Variants in SSH2 observed in about 807,000 individuals in gnomAD.
The protein encoded by SSH2 is protein phosphatase Slingshot homolog 2.
SSH2 carries 37 observed loss-of-function variants against 135.2 expected under a neutral mutation model. The ratio of observed to expected loss-of-function variants is 0.27; its 90% CI spans 0.21 to 0.36. The LOEUF is 0.36. Ranked by LOEUF, SSH2 falls within the 10% of genes least tolerant of loss-of-function variation. The pLI is 1.00. For missense variants in SSH2, 1,408 were observed against 1,765.3 expected (o/e 0.80, Z 3.63); for synonymous variants, 628 against 646.2 (o/e 0.97, Z 0.43).
intron 2 of SSH2, among the ~76,000 whole-genome samples, chr17:29,805,173 C>T (rs1282452954): frequency 2.0e-5 from 3 of 150,250 alleles, no homozygotes; most frequent in African/African-American, 4.9e-5. Flanking sequence ...TTATTATTTT[C>T]GAGATGGAGT....
At chr17:29,658,079 C>T (rs994349823) in intron 11 of SSH2, among the ~76,000 whole-genome samples, 1 of 151,278 alleles carries the variant, frequency 6.6e-6, no homozygotes, top group African/African-American at 2.4e-5. Context: ...TCTCGGCTCA[C>T]CGCAACCTCT....
rs770031333 is a variant in SSH2 at position 29,632,245 on chromosome 17, A to T, written c.2949T>A (p.Ala983=). ...AGTGGTCAAACTCCAGCACCCTGGGAGCTGGAACAGTGGCATTCTGCTCAG... is the reference window on the plus strand; with the variant it reads ...AGTGGTCAAACTCCAGCACCCTGGGTGCTGGAACAGTGGCATTCTGCTCAG... The part of the protein sequence containing the change: ...SHSEQNATVP[A]PRVLEFDHLP... The change falls in exon 16 of 16, where the codon GCT becomes GCA. Residue 983 remains alanine, a synonymous_variant. Coordinates refer to ENST00000540801, the MANE Select transcript of SSH2 (RefSeq NM_001282129.2). The T allele has an allele frequency of 2.1e-5, 34 of 1,613,756 alleles. No individual in the cohort carries two copies. The highest frequency in any genetic ancestry group is 2.9e-5 in the Non-Finnish European group (34 of 1,179,924).
chr17:29,706,773 A>G (rs2039217069), intron 3 of SSH2, among the ~76,000 whole-genome samples: 1 of 152,238 alleles, frequency 6.6e-6, no homozygotes, highest in South Asian at 2.1e-4. Context: ...AGAAGTGTGT[A>G]TATTTGTTGA....
rs1314001904 is a variant in SSH2, at chr17:29,771,971, A to G, written c.188+21923T>C. ...CAAATATGTTCAAGAATTTACCACA[A>G]CATTGGAAGTTGTTTTTTCTCTCTG... On this transcript the variant is annotated intron_variant, in intron 3 of 15. Coordinates refer to ENST00000540801, the MANE Select transcript of SSH2 (RefSeq NM_001282129.2). 2.6e-5 allele frequency among the ~76,000 whole-genome samples: 4 copies of G among 152,328 alleles called. No individual in the cohort carries two copies. The East Asian group carries it at 7.7e-4, about 29-fold the overall frequency.
intron 1 of SSH2, chr17:29,855,752 T>C: frequency 6.3e-6 from 1 of 159,988 alleles, no homozygotes; most frequent in East Asian, 1.9e-4. Context: ...CTGTATCTAC[T>C]GAGAGAATGA....
intron 12 of SSH2, among the ~76,000 whole-genome samples, chr17:29,654,742 C>T (rs1479645895): frequency 6.6e-6 from 1 of 152,188 alleles, no homozygotes; most frequent in Non-Finnish European, 1.5e-5. Flanking sequence ...ACTTAATAAC[C>T]ATGCTGCTTA....
chr17:29,695,549 T>C, intron 4 of SSH2, 26 bp from the exon 5 acceptor site: 1 of 1,593,464 alleles, frequency 6.3e-7, no homozygotes, highest in African/African-American at 1.3e-5. Flanking sequence ...AACCAAAGGA[T>C]AATTATTCTC....
intron 14 of SSH2, among the ~76,000 whole-genome samples, chr17:29,638,670 T>C (rs1379075942): frequency 6.6e-6 from 1 of 151,890 alleles, no homozygotes; most frequent in Non-Finnish European, 1.5e-5. Flanking sequence ...CAGCCTCCTT[T>C]TAGTAGTAGC....
intron 11 of SSH2, among the ~76,000 whole-genome samples, chr17:29,657,020 G>A (rs997958396): frequency 6.6e-6 from 1 of 152,166 alleles, no homozygotes; most frequent in Non-Finnish European, 1.5e-5. Context: ...AGGCTACAGG[G>A]CAGTGGTATG....
chr17:29,690,012 C>CAAAAAAA (rs946244880), intron 5 of SSH2, among the ~76,000 whole-genome samples: 1 of 31,360 alleles, frequency 3.2e-5, no homozygotes, highest in Non-Finnish European at 6.7e-5. Flanking sequence ...AGATCCATCT[C>CAAAAAAA]AAAAAAAAAA....
rs113649605 is a variant in SSH2, at chr17:29,833,644, TTTCCTTCC to T, written c.144+15197_144+15204del. Among the ~76,000 whole-genome samples the T allele has an allele frequency of 8.8e-4, 117 of 132,362 alleles. 1 individual carries two copies. The highest frequency in any genetic ancestry group is 9.8e-4 in the South Asian group (4 of 4,076). The allele number at this position is 132,362 out of a possible 152,430, so 86.8% of individuals were successfully genotyped here. On this transcript the variant is annotated intron_variant, in intron 2 of 15. Transcript: ENST00000540801. The stretch of plus-strand genomic sequence containing the variant: ...TTTTGTTATTTGTTTTCTGTTTTTT[TTTCCTTCC>T]TTCCTTCCTTCCTTCCTTCTTTCCT...
In SSH2 at chr17:29,749,506, G is replaced by A. The variant is rs573414280; in HGVS notation, c.188+44388C>T. ...TATTTGTATCTCTAAACATATCTACGCATAGAAAAGGCACAGTAAAAATGT... is the reference window on the plus strand; with the variant it reads ...TATTTGTATCTCTAAACATATCTACACATAGAAAAGGCACAGTAAAAATGT... On this transcript the variant is annotated intron_variant, in intron 3 of 15. Coordinates refer to ENST00000540801, the MANE Select transcript of SSH2 (RefSeq NM_001282129.2). Among the ~76,000 whole-genome samples the A allele has an allele frequency of 3.9e-4, 59 of 152,160 alleles. No individual in the cohort carries two copies. The East Asian group carries it at 6.7e-3, about 17-fold the overall frequency.
At chr17:29,654,707 C>G (rs544035998) in intron 12 of SSH2, among the ~76,000 whole-genome samples, 1 of 152,246 alleles carries the variant, frequency 6.6e-6, no homozygotes, top group South Asian at 2.1e-4. Context: ...TGAATGTTCA[C>G]TGTAGTCTCT....
intron 3 of SSH2, among the ~76,000 whole-genome samples, chr17:29,789,974 G>A (rs577500743): frequency 1.3e-5 from 2 of 152,240 alleles, no homozygotes; most frequent in African/African-American, 2.4e-5. Context: ...GGAGAGGAAT[G>A]TTGGCTCAGA....
At chr17:29,695,596 A>C in intron 4 of SSH2, 73 bp from the exon 5 acceptor site, 1 of 1,377,068 alleles carries the variant, frequency 7.3e-7, no homozygotes, top group South Asian at 1.3e-5. Context: ...CTTCTACTTT[A>C]GTGACTTTTG....
At chr17:29,781,022 AG>A (rs2041828974) in intron 3 of SSH2, among the ~76,000 whole-genome samples, 1 of 151,666 alleles carries the variant, frequency 6.6e-6, no homozygotes, top group Non-Finnish European at 1.5e-5. Flanking sequence ...CGTGTTAGCC[AG>A]GATGGTCTTG....
intron 1 of SSH2, among the ~76,000 whole-genome samples, chr17:29,915,502 A>G (rs946258370): frequency 9.9e-5 from 15 of 152,188 alleles, no homozygotes; most frequent in Admixed American, 1.3e-4. Context: ...TATAGTCTCA[A>G]TCACTAAAAA....
chr17:29,643,167 T>C, intron 14 of SSH2: 1 of 985,406 alleles, frequency 1.0e-6, no homozygotes, highest in Non-Finnish European at 1.2e-6. Context: ...TCTTTGCTCT[T>C]CTAAGCAGGC....
intron 11 of SSH2, among the ~76,000 whole-genome samples, chr17:29,664,768 G>A (rs1320559553): frequency 1.3e-5 from 2 of 152,178 alleles, no homozygotes; most frequent in African/African-American, 4.8e-5. Context: ...ATTTGTAGTT[G>A]ATTAGAGAAA....
Sources: allele counts gnomAD v4.1 joint callset (sites outside exome capture counted in the v4.1 genomes callset), GRCh38; gene constraint gnomAD v4.1.1; transcripts MANE v1.5; gene names NCBI Gene and HGNC (gene_info 2026-07-23, HGNC 2026-07-21).